Variants in HAS2 observed in about 807,000 individuals in gnomAD.
HAS2 encodes hyaluronan synthase 2.
Under a neutral mutation model 51.6 loss-of-function variants are expected in HAS2, and 16 were observed. The ratio of observed to expected loss-of-function variants is 0.31; its 90% CI spans 0.21 to 0.47. HAS2 has a LOEUF of 0.47. Among genes scored for constraint, HAS2 ranks in the 20% least tolerant of loss-of-function variants. The probability of loss-of-function intolerance (pLI) is 1.00; values close to 1 mark genes in which losing one functional copy is unlikely to be tolerated. For missense variants in HAS2, 361 were observed against 662.6 expected, an observed-to-expected ratio of 0.54 and a Z score of 5.00; for synonymous variants, 228 against 235.5, an observed-to-expected ratio of 0.97 and a Z score of 0.29.
chr8:121,618,860 T>A (rs992778528), intron 2 of HAS2, among the ~76,000 whole-genome samples: 10 of 152,070 alleles, frequency 6.6e-5, no homozygotes, highest in Admixed American at 2.0e-4. Flanking sequence ...ATAAATTATT[T>A]AACAGTCCTG....
chr8:121,621,405 G>A (rs966179511), intron 2 of HAS2, among the ~76,000 whole-genome samples: 3 of 152,120 alleles, frequency 2.0e-5, no homozygotes, highest in African/African-American at 7.2e-5. Flanking sequence ...CCTTGAATGA[G>A]CCATTTGCCA....
Position 121,629,012 on chromosome 8 carries a change from G to C in HAS2, c.329C>G (p.Thr110Ser). 6.2e-7 allele frequency: 1 copy of C among 1,614,072 alleles called. No individual in the cohort carries two copies. Among genetic ancestry groups the C allele is most frequent in the Non-Finnish European group, 8.5e-7 (1 of 1,179,974 alleles). Reference protein sequence around the residue: ...RKCLQSVKRLTYPGIKVVMVI... With the variant: ...RKCLQSVKRLSYPGIKVVMVI... ...CATGACAACTTTAATCCCAGGGTAGGTTAGCCTTTTCACAGATTGCAAACA... is the reference window on the plus strand; with the variant it reads ...CATGACAACTTTAATCCCAGGGTAGCTTAGCCTTTTCACAGATTGCAAACA... Residue 110 changes from threonine (T) to serine (S), a missense_variant, in exon 2 of 4, where the codon ACC becomes AGC. Transcript: ENST00000303924.
chr8:121,620,608 T>G (rs1484097531), intron 2 of HAS2, among the ~76,000 whole-genome samples: 1 of 152,198 alleles, frequency 6.6e-6, no homozygotes, highest in African/African-American at 2.4e-5. Flanking sequence ...TTTGAGTAAA[T>G]GAAACATGTC....
At chr8:121,619,582 T>TA (rs1432397570) in intron 2 of HAS2, among the ~76,000 whole-genome samples, 5 of 152,106 alleles carry the variant, frequency 3.3e-5, no homozygotes, top group African/African-American at 4.8e-5. Context: ...CTTTTCATTG[T>TA]AAAAAACAGG....
At chr8:121,638,138 A>AT (rs544612713) in intron 1 of HAS2, among the ~76,000 whole-genome samples, 12 of 152,002 alleles carry the variant, frequency 7.9e-5, no homozygotes, top group African/African-American at 2.4e-4. Context: ...CAAGAAAAAA[A>AT]TTTTTTTAAA....
intron 1 of HAS2, among the ~76,000 whole-genome samples, chr8:121,630,268 T>G (rs1461804719): frequency 6.6e-6 from 1 of 152,208 alleles, no homozygotes; most frequent in East Asian, 1.9e-4. Flanking sequence ...GTTTCCATCC[T>G]GTTAAAAGCC....
At position 121,617,098 on chromosome 8, in the gene HAS2, C is replaced by T. The variant is rs377644936; in HGVS notation, c.729+7G>A. 52 of 1,494,122 alleles carry T rather than the reference C, an allele frequency of 3.5e-5. No individual in the cohort carries two copies. Among genetic ancestry groups the T allele is most frequent in the Non-Finnish European group, 4.5e-5 (48 of 1,073,370 alleles). The allele number at this position is 1,494,122 out of a possible 1,614,324, so 92.6% of individuals were successfully genotyped here. On this transcript the variant is annotated splice_region_variant and intron_variant, in intron 3 of 3. Transcript: ENST00000303924. The stretch of plus-strand genomic sequence containing the variant: ...AAAACAAACAAACAAAAAGTGAAGC[C>T]ATGTACCTGGACATCTCCCCCAACA...
In HAS2 at chr8:121,612,139, C is replaced by CA. The variant is rs1302500281; in HGVS notation, c.*1969dup. The CA allele has an allele frequency of 4.6e-5, 7 of 151,418 alleles. No homozygotes were observed. Among genetic ancestry groups the CA allele is most frequent in the Non-Finnish European group, 7.4e-5 (5 of 67,902 alleles). 9.4% of individuals were successfully genotyped at this position (151,418 alleles called of 1,614,324 possible). ...AATCTTATCAAAAATATTTTATTTA[C>CA]AAAAAATTAATTATACTATACATCC... On this transcript the variant is annotated 3_prime_UTR_variant, in exon 4 of 4. Transcript: ENST00000303924.
rs376143376 is a variant in HAS2 at position 121,641,010 on chromosome 8, G to T, written c.-158C>A. On this transcript the variant is annotated 5_prime_UTR_variant, in exon 1 of 4. Coordinates refer to ENST00000303924, the MANE Select transcript of HAS2 (RefSeq NM_005328.3). ...GAAATTTAAAAACAACATTTAAAAA[G>T]GATAGGGGAGTCTTAAATGTTTGAT... 6.6e-6 allele frequency: 1 copy of T among 151,652 alleles called. No individual in the cohort carries two copies. The highest frequency in any genetic ancestry group is 2.4e-5 in the African/African-American group (1 of 41,338). The allele number at this position is 151,652 out of a possible 1,614,324, so 9.4% of individuals were successfully genotyped here.
At chr8:121,616,516 A>G (rs140373790) in intron 3 of HAS2, among the ~76,000 whole-genome samples, 2,159 of 150,640 alleles carry the variant, frequency 0.014, 141 homozygotes, top group Admixed American at 0.11. Context: ...GGCTCATTGC[A>G]ACCTCCACCT....
Position 121,613,919 on chromosome 8 carries a change from C to G in HAS2, c.*190G>C. 1 of 767,726 alleles carries G rather than the reference C, an allele frequency of 1.3e-6. No homozygotes were observed. The highest frequency in any genetic ancestry group is 2.1e-6 in the Non-Finnish European group (1 of 482,378). 47.6% of individuals were successfully genotyped at this position (767,726 alleles called of 1,614,324 possible). ...TTTTCATAGAAATAACAGGTTAAAT[C>G]TGAGTTTCTTCTTGTTGATGTATTG... On this transcript the variant is annotated 3_prime_UTR_variant, in exon 4 of 4. Transcript: ENST00000303924.
At chr8:121,618,103 G>T (rs1256143531) in intron 2 of HAS2, among the ~76,000 whole-genome samples, 2 of 151,960 alleles carry the variant, frequency 1.3e-5, no homozygotes, top group Non-Finnish European at 2.9e-5. Flanking sequence ...ATTTCTATTG[G>T]AGTCTCAAGG....
In HAS2 at chr8:121,614,971, A is replaced by G; in HGVS notation, c.797T>C (p.Ile266Thr). 6.2e-7 allele frequency: 1 copy of G among 1,613,568 alleles called. No individual in the cohort carries two copies. Among genetic ancestry groups the G allele is most frequent in the East Asian group, 2.2e-5 (1 of 44,876 alleles). The change falls in exon 4 of 4, where the codon ATA (isoleucine) becomes ACA (threonine). Residue 266 changes from isoleucine to threonine, a missense_variant. Around this residue, in one of 5 missense-constraint regions of HAS2, gnomAD observed 49 missense variants for 108.3 expected, o/e 0.45. Transcript: ENST00000303924. The surrounding 1 kb of genome is among the most constrained non-coding windows in gnomAD (Gnocchi z 7.2). ...AAAATAAGACTGACAGGCCCTTTCT[A>G]TATTAAAAGCCATCCAATATCTTAC... ...SSVRYWMAFN[I>T]ERACQSYFGC... is the part of the protein sequence containing the mutation.
At chr8:121,638,241 G>A (rs1813040270) in intron 1 of HAS2, among the ~76,000 whole-genome samples, 1 of 152,178 alleles carries the variant, frequency 6.6e-6, no homozygotes, top group Non-Finnish European at 1.5e-5. Flanking sequence ...AAAATGAGTG[G>A]TTCCAACTAA....
At position 121,629,141 on chromosome 8, in the gene HAS2, T is replaced by C. The variant is rs780348004; in HGVS notation, c.200A>G (p.Glu67Gly). 6.2e-7 allele frequency: 1 copy of C among 1,614,016 alleles called. No homozygotes were observed. Among genetic ancestry groups the C allele is most frequent in the Non-Finnish European group, 8.5e-7 (1 of 1,179,946 alleles). ...TAGGGATTTTTTCATTTTTCGGTGCTCCAAAAAGGCAAACAGGCTTTGGAT... is the reference window on the plus strand; with the variant it reads ...TAGGGATTTTTTCATTTTTCGGTGCCCCAAAAAGGCAAACAGGCTTTGGAT... The part of the protein sequence containing the change: ...LIIQSLFAFL[E>G]HRKMKKSLET... The change falls in exon 2 of 4, where the codon GAG becomes GGG. Residue 67 changes from glutamate (E) to glycine (G), a missense_variant. By Grantham distance (98) the Glu-to-Gly change is moderately conservative (BLOSUM62 -2). Coordinates refer to ENST00000303924, the MANE Select transcript of HAS2 (RefSeq NM_005328.3).
intron 2 of HAS2, among the ~76,000 whole-genome samples, chr8:121,625,795 A>C (rs931029538): frequency 1.3e-5 from 2 of 148,264 alleles, no homozygotes; most frequent in Non-Finnish European, 2.9e-5. Context: ...CACTAGACTT[A>C]CAGGCGTCAG....
At chr8:121,626,661 G>C (rs548927421) in intron 2 of HAS2, among the ~76,000 whole-genome samples, 1 of 152,298 alleles carries the variant, frequency 6.6e-6, no homozygotes, top group South Asian at 2.1e-4. Context: ...GGGACACTTA[G>C]AATAGAGGAT....
At chr8:121,625,757 G>T (rs2130442293) in intron 2 of HAS2, among the ~76,000 whole-genome samples, 1 of 141,580 alleles carries the variant, frequency 7.1e-6, no homozygotes, top group Non-Finnish European at 1.5e-5. Flanking sequence ...CTGGGCTTAA[G>T]CAATCCTTCT....
intron 1 of HAS2, among the ~76,000 whole-genome samples, chr8:121,633,888 T>G (rs1812968986): frequency 6.6e-6 from 1 of 150,860 alleles, no homozygotes; most frequent in African/African-American, 2.4e-5. Context: ...TCAATGGAGT[T>G]ACCCTAGTTT....
Sources: allele counts gnomAD v4.1 joint callset (sites outside exome capture counted in the v4.1 genomes callset), GRCh38; gene constraint gnomAD v4.1.1; regional missense constraint gnomAD v4.1.1; non-coding constraint Gnocchi (gnomAD v3.1); transcripts MANE v1.5; gene names NCBI Gene and HGNC (gene_info 2026-07-23, HGNC 2026-07-21).